Variants in CC2D2B observed in about 807,000 individuals in gnomAD.
CC2D2B encodes coiled-coil and C2 domain containing 2B, also known as protein CC2D2B.
Under a neutral mutation model 161.2 loss-of-function variants are expected in CC2D2B, and 128 were observed. The observed-to-expected ratio is 0.79, with a 90% CI of 0.69 to 0.92. The LOEUF (loss-of-function observed/expected upper bound fraction) is 0.92. Ranked by LOEUF, CC2D2B falls within the 40% of genes least tolerant of loss-of-function variation. CC2D2B has a pLI of 0.00. For missense variants in CC2D2B, 1,173 were observed against 1,375.1 expected, an observed-to-expected ratio of 0.85 and a Z score of 2.32; for synonymous variants, 391 against 449.8, an observed-to-expected ratio of 0.87 and a Z score of 1.65.
chr10:95,930,261 C>G (rs957464471), intron 6 of CC2D2B, among the ~76,000 whole-genome samples: 1 of 152,040 alleles, frequency 6.6e-6, no homozygotes, highest in Non-Finnish European at 1.5e-5. Flanking sequence ...CTGAGACTTT[C>G]CCGAAGTTGC....
At chr10:96,009,710 C>T in intron 25 of CC2D2B, 115 bp from the exon 26 acceptor site, 20 of 467,382 alleles carry the variant, frequency 4.3e-5, no homozygotes, top group South Asian at 2.5e-4. Flanking sequence ...TTCTATTTAT[C>T]TTTTGATTTC....
intron 2 of CC2D2B, among the ~76,000 whole-genome samples, chr10:95,913,758 T>A (rs1046670700): frequency 6.6e-6 from 1 of 152,252 alleles, no homozygotes; most frequent in African/African-American, 2.4e-5. Context: ...GCCATTTGTA[T>A]GTCTTCTTTT....
chr10:96,012,578 A>G lies in CC2D2B; in HGVS notation c.3275A>G (p.Lys1092Arg). Residue 1092 changes from lysine (K) to arginine (R), a missense_variant, in exon 28 of 35, where the codon AAG becomes AGG. Lys to Arg is a conservative substitution (Grantham distance 26). Transcript: ENST00000646931. ...TTGCAGAGAGCACAGATTTTTAAAA[A>G]GAATTGTAAGGCAATGTTTCCCAAC... ...EVLQRAQIFKKNCKAMFPNRR... is the reference protein window; with the variant it reads ...EVLQRAQIFKRNCKAMFPNRR... 6.2e-6 allele frequency: 10 copies of G among 1,613,436 alleles called. No homozygotes were observed. Among genetic ancestry groups the G allele is most frequent in the Non-Finnish European group, 8.5e-6 (10 of 1,179,472 alleles).
intron 25 of CC2D2B, among the ~76,000 whole-genome samples, chr10:96,008,539 T>G (rs558457996): frequency 6.6e-6 from 1 of 152,234 alleles, no homozygotes; most frequent in East Asian, 1.9e-4. Flanking sequence ...AGACTTCCAG[T>G]TCTTTCACTT....
chr10:96,007,673 G>T (rs1463311617), intron 25 of CC2D2B, among the ~76,000 whole-genome samples: 1 of 152,126 alleles, frequency 6.6e-6, no homozygotes, highest in African/African-American at 2.4e-5. Flanking sequence ...CAAAGCAGTG[G>T]TTATTAACTA....
At chr10:95,926,129 G>A (rs11188523) in intron 5 of CC2D2B, among the ~76,000 whole-genome samples, 42,636 of 151,942 alleles carry the variant, frequency 0.28, 6,566 homozygotes, top group African/African-American at 0.41. Context: ...TTATGTGCAT[G>A]TTATTCACTC....
At chr10:95,929,683 T>G (rs182188978) in intron 6 of CC2D2B, among the ~76,000 whole-genome samples, 5 of 152,264 alleles carry the variant, frequency 3.3e-5, no homozygotes, top group Non-Finnish European at 7.4e-5. Context: ...TTTTGTCAGG[T>G]TTATCAAAGA....
intron 15 of CC2D2B, among the ~76,000 whole-genome samples, chr10:95,971,097 AG>A (rs1471315850): frequency 6.6e-6 from 1 of 152,126 alleles, no homozygotes; most frequent in Admixed American, 6.5e-5. Flanking sequence ...TATTGAAAAA[AG>A]TTTGCTTAGA....
chr10:96,009,092 T>C (rs1280206973), intron 25 of CC2D2B, among the ~76,000 whole-genome samples: 1 of 152,092 alleles, frequency 6.6e-6, no homozygotes, highest in Non-Finnish European at 1.5e-5. Context: ...GTTTGACTGT[T>C]ATAAATATAG....
intron 8 of CC2D2B, 43 bp from the exon 9 acceptor site, chr10:95,938,754 T>C: frequency 2.8e-6 from 2 of 702,986 alleles, no homozygotes; most frequent in South Asian, 3.1e-5. Flanking sequence ...ATGTGACTTA[T>C]TTAGCAAAAT....
chr10:95,971,807 G>A (rs1320203702), intron 15 of CC2D2B, among the ~76,000 whole-genome samples: 3 of 152,008 alleles, frequency 2.0e-5, no homozygotes, highest in African/African-American at 4.8e-5. Context: ...TATGTTATAT[G>A]TACCTCATAT....
chr10:95,961,654 A>G (rs937865759), intron 11 of CC2D2B, 175 bp from the exon 12 acceptor site: 17 of 386,906 alleles, frequency 4.4e-5, no homozygotes, highest in African/African-American at 3.3e-4. Flanking sequence ...TTCTAATGGA[A>G]TTGCAGTGGG....
intron 12 of CC2D2B, among the ~76,000 whole-genome samples, chr10:95,964,622 G>T (rs2076877760): frequency 1.3e-5 from 2 of 152,234 alleles, no homozygotes; most frequent in Middle Eastern, 3.4e-3. Context: ...TTTCAGATGA[G>T]AAAAGTGAGG....
Position 95,947,388 on chromosome 10 carries a change from T to A in CC2D2B, c.802-2508T>A, listed in dbSNP as rs560778112. 2.6e-3 allele frequency among the ~76,000 whole-genome samples: 398 copies of A among 151,328 alleles called. 1 individual carries two copies. Among genetic ancestry groups the A allele is most frequent in the African/African-American group, 9.1e-3 (375 of 41,310 alleles). ...TCGGCCTCCCAAAATGCTGGGATTATACAAGTATGAGCCACCACACTCGGC... is the reference window on the plus strand; with the variant it reads ...TCGGCCTCCCAAAATGCTGGGATTAAACAAGTATGAGCCACCACACTCGGC... On this transcript the variant is annotated intron_variant, in intron 9 of 34. Transcript: ENST00000646931.
chr10:95,941,051 C>A (rs2076005131), intron 9 of CC2D2B, among the ~76,000 whole-genome samples: 2 of 152,014 alleles, frequency 1.3e-5, no homozygotes, highest in South Asian at 4.2e-4. Flanking sequence ...TATATACAGT[C>A]AAATGATCTT....
At chr10:95,999,843 TG>T in intron 24 of CC2D2B, 1 of 480,398 alleles carries the variant, frequency 2.1e-6, no homozygotes, top group Non-Finnish European at 4.1e-6. Context: ...TCACAAAGGG[TG>T]CTTCTCTGGG....
In CC2D2B at chr10:96,032,155, A is replaced by G. The variant is rs558671105; in HGVS notation, c.*147A>G. On this transcript the variant is annotated 3_prime_UTR_variant, in exon 35 of 35. Transcript: ENST00000646931. ...TGATTCACTTACAGAGCTGGGCACTATGGAGACTCGCACCCCTGAGTGAGT... is the reference window on the plus strand; with the variant it reads ...TGATTCACTTACAGAGCTGGGCACTGTGGAGACTCGCACCCCTGAGTGAGT... 2 of 611,544 alleles carry G rather than the reference A, an allele frequency of 3.3e-6. No individual in the cohort carries two copies. Among genetic ancestry groups the G allele is most frequent in the African/African-American group, 3.7e-5 (2 of 54,168 alleles). 37.9% of individuals were successfully genotyped at this position (611,544 alleles called of 1,614,324 possible).
At chr10:96,003,399 G>C (rs946081578) in intron 24 of CC2D2B, among the ~76,000 whole-genome samples, 9 of 146,712 alleles carry the variant, frequency 6.1e-5, no homozygotes, top group African/African-American at 2.0e-4. Context: ...ACATGGGAAA[G>C]AGAATAAATT....
chr10:95,947,537 A>T (rs2076264430), intron 9 of CC2D2B, among the ~76,000 whole-genome samples: 1 of 151,908 alleles, frequency 6.6e-6, no homozygotes, highest in Admixed American at 6.6e-5. Flanking sequence ...AGGTCAGGAG[A>T]TCAAGACTAT....
Sources: gnomAD v4.1 joint callset for allele counts (sites outside exome capture counted in the v4.1 genomes callset) on GRCh38, gnomAD v4.1.1 for gene constraint, MANE v1.5 for transcripts, NCBI Gene and HGNC (gene_info 2026-07-23, HGNC 2026-07-21) for gene names.